The following SLC38A7 variants were observed in gnomAD, a reference collection of about 807,000 sequenced individuals.
The protein encoded by SLC38A7 is sodium-coupled neutral amino acid transporter 7.
Under a neutral mutation model 50.1 loss-of-function variants are expected in SLC38A7, and 29 were observed. The ratio of observed to expected loss-of-function variants is 0.58; its 90% CI spans 0.43 to 0.79. The LOEUF is 0.79. Ranked by LOEUF, SLC38A7 falls within the 30% of genes least tolerant of loss-of-function variation. The probability of loss-of-function intolerance (pLI) is 0.00; values close to 1 mark genes in which losing one functional copy is unlikely to be tolerated. For synonymous variants in SLC38A7, 244 were observed against 245.9 expected, an observed-to-expected ratio of 0.99 and a Z score of 0.07; for missense variants, 483 against 610.6, an observed-to-expected ratio of 0.79 and a Z score of 2.20.
chr16:58,678,774 A>G lies in SLC38A7; in HGVS notation c.391T>C (p.Cys131Arg), dbSNP rs749426989. The change falls in exon 4 of 12, where the codon TGT (cysteine) becomes CGT (arginine). Residue 131 changes from cysteine (C) to arginine (R), a missense_variant. Physicochemically the swap from Cys to Arg is radical, Grantham distance 180. Coordinates refer to ENST00000219320, the MANE Select transcript of SLC38A7 (RefSeq NM_018231.3). This position sits in a 1 kb window ranked among gnomAD's most constrained non-coding sequence, Gnocchi z 4.0. Reference protein sequence around the residue: ...AVCGKLTGVLCEVAIAVYTFG... With the variant: ...AVCGKLTGVLREVAIAVYTFG... ...GTGTAGACAGCGATGGCCACCTCAC[A>G]TAGCACACCTGTCAGCTTGCCACAC... The G allele has an allele frequency of 6.2e-7, 1 of 1,614,168 alleles. No homozygotes were observed. Among genetic ancestry groups the G allele is most frequent in the South Asian group, 1.1e-5 (1 of 91,084 alleles).
chr16:58,682,088 C>CA (rs1279470651), intron 2 of SLC38A7, among the ~76,000 whole-genome samples: 7 of 152,118 alleles, frequency 4.6e-5, no homozygotes, highest in African/African-American at 1.4e-4. Flanking sequence ...AATTAGGAGA[C>CA]AGAGTTTGCA....
chr16:58,678,430 A>G lies in SLC38A7; in HGVS notation c.514T>C (p.Trp172Arg). 6.3e-7 allele frequency: 1 copy of G among 1,587,734 alleles called. No homozygotes were observed. Among genetic ancestry groups the G allele is most frequent in the Non-Finnish European group, 8.6e-7 (1 of 1,166,674 alleles). The change falls in exon 5 of 12, where the codon TGG (tryptophan) becomes CGG (arginine). Residue 172 changes from tryptophan to arginine, a missense_variant. Transcript: ENST00000219320. This position sits in a 1 kb window ranked among gnomAD's most constrained non-coding sequence, Gnocchi z 4.0. ...AKEPEGASGP[W>R]YTDRKFTISL... ...ATGGTGAACTTGCGGTCTGTGTACC[A>G]AGGGCCGCTGGCCCCCTCCGGCTCT...
In SLC38A7 at chr16:58,671,110, G is replaced by C; in HGVS notation, c.1166C>G (p.Pro389Arg). 6.2e-7 allele frequency: 1 copy of C among 1,613,898 alleles called. No individual in the cohort carries two copies. Among genetic ancestry groups the C allele is most frequent in the East Asian group, 2.2e-5 (1 of 44,874 alleles). ...GACTGAGATCACCTTGCCGATGTCA[G>C]GGATGAAGAGCGCCAGCAGCAGGGT... ...LLTLLLALFI[P>R]DIGKVISVIG... Residue 389 changes from proline to arginine, a missense_variant, in exon 10 of 12, where the codon CCT becomes CGT. Coordinates refer to ENST00000219320, the MANE Select transcript of SLC38A7 (RefSeq NM_018231.3).
chr16:58,679,786 C>A, intron 3 of SLC38A7, 71 bp downstream of exon 3: 2 of 1,599,854 alleles, frequency 1.3e-6, no homozygotes, highest in South Asian at 2.2e-5. Context: ...CCATCCCTGA[C>A]CCGAAGCCTC....
At position 58,667,070 on chromosome 16, in the gene SLC38A7, T is replaced by A. The variant is rs983423725; in HGVS notation, c.*315A>T. 6.8e-6 allele frequency: 3 copies of A among 441,350 alleles called. No individual in the cohort carries two copies. Among genetic ancestry groups the A allele is most frequent in the Non-Finnish European group, 1.2e-5 (3 of 248,058 alleles). 27.3% of individuals were successfully genotyped at this position (441,350 alleles called of 1,614,324 possible). ...GGAAGTCAGACTGGATTCTTTCTTA[T>A]GAGATCTACCGACTCTCTTCACCCG... is the stretch of plus-strand genomic sequence containing the variant. On this transcript the variant is annotated 3_prime_UTR_variant, in exon 12 of 12. Coordinates refer to ENST00000219320, the MANE Select transcript of SLC38A7 (RefSeq NM_018231.3).
chr16:58,676,020 AT>A lies in SLC38A7; in HGVS notation c.802del (p.Met268CysfsTer6). On this transcript the variant is annotated frameshift_variant, in exon 8 of 12. Transcript: ENST00000219320. LOFTEE classifies it high-confidence loss of function. ...HVSSVPVFNS[M>X]QQPEVKTWGG... is the part of the protein sequence containing the mutation. ...CCAGGTCTTCACTTCAGGCTGCTGC[AT>A]GCTGTTGAAGACGGGCACACTGCTG... The A allele has an allele frequency of 1.2e-6, 2 of 1,613,758 alleles. No individual in the cohort carries two copies. Among genetic ancestry groups the A allele is most frequent in the East Asian group, 4.5e-5 (2 of 44,868 alleles).
intron 2 of SLC38A7, chr16:58,681,238 T>C (rs1314014130): frequency 1.3e-5 from 2 of 152,134 alleles, no homozygotes; most frequent in Admixed American, 6.5e-5. Flanking sequence ...ATAACCACTC[T>C]CCCCTCAGTC....
chr16:58,669,769 G>C (rs1027184648), intron 11 of SLC38A7, among the ~76,000 whole-genome samples: 6 of 151,842 alleles, frequency 4.0e-5, no homozygotes, highest in African/African-American at 1.5e-4. Flanking sequence ...AAGGTCAGGA[G>C]TTCGAGACCG....
chr16:58,669,764 CAG>C (rs1427848393), intron 11 of SLC38A7, among the ~76,000 whole-genome samples: 1 of 151,948 alleles, frequency 6.6e-6, no homozygotes, highest in Non-Finnish European at 1.5e-5. Flanking sequence ...CACCTAAGGT[CAG>C]GAGTTCGAGA....
chr16:58,682,421 C>T (rs760078848), intron 2 of SLC38A7, among the ~76,000 whole-genome samples: 2 of 151,974 alleles, frequency 1.3e-5, no homozygotes, highest in African/African-American at 2.4e-5. Flanking sequence ...TCACGGTACT[C>T]ATACAAAACT....
chr16:58,672,014 G>A, intron 9 of SLC38A7, 82 bp downstream of exon 9: 1 of 1,393,434 alleles, frequency 7.2e-7, no homozygotes, highest in South Asian at 1.5e-5. Flanking sequence ...TCTACAGGAT[G>A]GGGTCCACAC....
intron 11 of SLC38A7, among the ~76,000 whole-genome samples, chr16:58,668,853 A>C (rs2152074129): frequency 6.7e-6 from 1 of 148,558 alleles, no homozygotes; most frequent in South Asian, 2.2e-4. Flanking sequence ...ACTTACTGCA[A>C]CCTCCGCCTC....
chr16:58,679,851 A>G lies in SLC38A7; in HGVS notation c.270+6T>C. 3.1e-6 allele frequency: 5 copies of G among 1,613,524 alleles called. No individual in the cohort carries two copies. In the South Asian group the frequency reaches 4.4e-5, roughly 14 times the overall value. On this transcript the variant is annotated splice_donor_region_variant and intron_variant, in intron 3 of 11. Transcript: ENST00000219320. Reference sequence around the variant, plus strand: ...GCACCTCTGCCCTCCCGGCCAGTGCACTCACCATCTGCAGTGCGATGCCTG... The same window carrying G: ...GCACCTCTGCCCTCCCGGCCAGTGCGCTCACCATCTGCAGTGCGATGCCTG...
At chr16:58,675,226 G>A (rs150432782) in intron 8 of SLC38A7, 1 of 345,888 alleles carries the variant, frequency 2.9e-6, no homozygotes, top group Non-Finnish European at 5.6e-6. Flanking sequence ...CCCCATTTTA[G>A]GCTGGGTTGG....
chr16:58,672,143 G>C lies in SLC38A7; in HGVS notation c.984C>G (p.Ile328Met), dbSNP rs1304643659. ...GGTAGGAGGTGAGCACGCTCAGGAT[G>C]ATGAAGGCTCGGGCAACGGCCACGG... ...DMAVAVARAFIILSVLTSYPI... is the reference protein window; with the variant it reads ...DMAVAVARAFMILSVLTSYPI... Residue 328 changes from isoleucine to methionine, a missense_variant, in exon 9 of 12, where the codon ATC becomes ATG. Coordinates refer to ENST00000219320, the MANE Select transcript of SLC38A7 (RefSeq NM_018231.3). 4 of 1,563,062 alleles carry C rather than the reference G, an allele frequency of 2.6e-6. No homozygotes were observed. Among genetic ancestry groups the C allele is most frequent in the Non-Finnish European group, 3.5e-6 (4 of 1,153,746 alleles).
At chr16:58,674,600 C>A (rs1007469606) in intron 8 of SLC38A7, among the ~76,000 whole-genome samples, 3 of 151,900 alleles carry the variant, frequency 2.0e-5, no homozygotes, top group Non-Finnish European at 4.4e-5. Context: ...TTTTTTTTAA[C>A]TGTACTATCA....
intron 8 of SLC38A7, chr16:58,675,452 T>G (rs1250581868): frequency 2.8e-6 from 1 of 354,026 alleles, no homozygotes; most frequent in Non-Finnish European, 5.4e-6. Flanking sequence ...CAGGTTGAGG[T>G]TGCAGTGAGC....
chr16:58,675,037 C>T (rs1231484048), intron 8 of SLC38A7, among the ~76,000 whole-genome samples: 1 of 152,184 alleles, frequency 6.6e-6, no homozygotes, highest in Non-Finnish European at 1.5e-5. Flanking sequence ...ACCACTCCAG[C>T]CACATAGACT....
At position 58,672,422 on chromosome 16, in the gene SLC38A7, C is replaced by T. The variant is rs75073067; in HGVS notation, c.884-179G>A. On this transcript the variant is annotated intron_variant, in intron 8 of 11. Coordinates refer to ENST00000219320, the MANE Select transcript of SLC38A7 (RefSeq NM_018231.3). Reference sequence around the variant, plus strand: ...TGCCTCCCTCCCTGACTTCTCAGATCCCCCATCGCTGGAAGCCCTCCAGCC... The same window carrying T: ...TGCCTCCCTCCCTGACTTCTCAGATTCCCCATCGCTGGAAGCCCTCCAGCC... Among the ~76,000 whole-genome samples the T allele has an allele frequency of 0.02, 3,009 of 151,960 alleles. 181 individuals are homozygous for T. The East Asian group carries it at 0.24, about 12-fold the overall frequency.
Sources: gnomAD v4.1 joint callset for allele counts (sites outside exome capture counted in the v4.1 genomes callset) on GRCh38, gnomAD v4.1.1 for gene constraint, Gnocchi (gnomAD v3.1) non-coding constraint, MANE v1.5 for transcripts, NCBI Gene and HGNC (gene_info 2026-07-23, HGNC 2026-07-21) for gene names.